Variants in SLC30A6 observed in about 807,000 individuals in gnomAD.
SLC30A6 encodes zinc transporter 6.
Under a neutral mutation model 63.0 loss-of-function variants are expected in SLC30A6, and 55 were observed. The ratio of observed to expected loss-of-function variants is 0.87; its 90% confidence interval spans 0.70 to 1.09. The LOEUF (loss-of-function observed/expected upper bound fraction) is 1.09, where lower values mean the gene tolerates loss of function less well. SLC30A6 is among the 50% of genes least tolerant of loss of function. The probability of loss-of-function intolerance (pLI) is 0.00; values close to 1 mark genes in which losing one functional copy is unlikely to be tolerated. For synonymous variants in SLC30A6, 224 were observed against 186.1 expected, an observed-to-expected ratio of 1.20 and a Z score of -1.66; for missense variants, 587 against 549.2, an observed-to-expected ratio of 1.07 and a Z score of -0.69.
rs766093873 is a variant in SLC30A6 at position 32,197,362 on chromosome 2, T to C, written c.515T>C (p.Leu172Pro). The change falls in exon 9 of 14, where the codon CTT becomes CCT. Residue 172 changes from leucine (L) to proline (P), a missense_variant. Transcript: ENST00000282587. ...YVSEAASTSW[L>P]QEHVADLSRS... ...CTTAAAGCTGCTAGTACGAGCTGGCTTCAAGAGCATGTTGCAGATCTTAGT... is the reference window on the plus strand; with the variant it reads ...CTTAAAGCTGCTAGTACGAGCTGGCCTCAAGAGCATGTTGCAGATCTTAGT... 6.2e-7 allele frequency: 1 copy of C among 1,613,850 alleles called. No homozygotes were observed. Among genetic ancestry groups the C allele is most frequent in the Non-Finnish European group, 8.5e-7 (1 of 1,179,834 alleles).
chr2:32,180,130 A>C (rs930753261), intron 4 of SLC30A6, among the ~76,000 whole-genome samples: 28 of 152,088 alleles, frequency 1.8e-4, no homozygotes, highest in Admixed American at 1.8e-3. Flanking sequence ...GACCAGGCAC[A>C]GTGGCTCATG....
Position 32,203,760 on chromosome 2 carries a change from A to G in SLC30A6, c.666-830A>G, listed in dbSNP as rs905006376. 44 of 1,508,988 alleles carry G rather than the reference A, an allele frequency of 2.9e-5. No homozygotes were observed. The African/African-American group carries it at 4.9e-4, about 17-fold the overall frequency. 93.5% of individuals were successfully genotyped at this position (1,508,988 alleles called of 1,614,324 possible). On this transcript the variant is annotated intron_variant, in intron 10 of 13. Transcript: ENST00000282587. ...CAGAGTGGCATGATTCCGACTGGAT[A>G]TTCTCAGTGCCAGCCAAATTACCTG...
At chr2:32,199,450 A>G (rs1192617523) in intron 10 of SLC30A6, among the ~76,000 whole-genome samples, 1 of 152,168 alleles carries the variant, frequency 6.6e-6, no homozygotes, top group East Asian at 1.9e-4. Flanking sequence ...GTAGGTATAT[A>G]TATTTATGGG....
At chr2:32,203,151 G>A in intron 10 of SLC30A6, 1 of 1,259,878 alleles carries the variant, frequency 7.9e-7, no homozygotes, top group Non-Finnish European at 1.2e-6. Flanking sequence ...GGCTGCCTGT[G>A]GTTTGGACAT....
intron 1 of SLC30A6, among the ~76,000 whole-genome samples, chr2:32,168,748 G>T (rs553148152): frequency 6.6e-6 from 1 of 152,172 alleles, no homozygotes; most frequent in Non-Finnish European, 1.5e-5. Flanking sequence ...TGAGACAAAA[G>T]AGTAGACCAG....
chr2:32,177,196 C>T (rs367703319), intron 4 of SLC30A6, among the ~76,000 whole-genome samples: 29 of 152,162 alleles, frequency 1.9e-4, no homozygotes, highest in Non-Finnish European at 3.2e-4. Flanking sequence ...AGTTTTTTCT[C>T]GCGATAGATT....
intron 4 of SLC30A6, among the ~76,000 whole-genome samples, chr2:32,178,028 A>G (rs1169781950): frequency 2.0e-5 from 3 of 149,768 alleles, no homozygotes; most frequent in Non-Finnish European, 3.0e-5. Flanking sequence ...GCTCACTGCA[A>G]TCTCCGCCTC....
chr2:32,202,958 T>G, intron 10 of SLC30A6: 1 of 1,142,872 alleles, frequency 8.7e-7, no homozygotes, highest in African/African-American at 1.5e-5. Flanking sequence ...AAGTCTACAG[T>G]GGGTCTGAAG....
At chr2:32,180,913 T>C (rs535856857) in intron 4 of SLC30A6, among the ~76,000 whole-genome samples, 3 of 152,332 alleles carry the variant, frequency 2.0e-5, no homozygotes, top group East Asian at 1.9e-4. Flanking sequence ...TTTCTTTCTT[T>C]AGAGGCTCAC....
chr2:32,172,537 C>G (rs894027592), intron 2 of SLC30A6, among the ~76,000 whole-genome samples: 4 of 151,986 alleles, frequency 2.6e-5, no homozygotes, highest in African/African-American at 9.7e-5. Flanking sequence ...TTTATATGTT[C>G]TCAACTCTTT....
chr2:32,203,615 A>G, intron 10 of SLC30A6: 1 of 1,589,166 alleles, frequency 6.3e-7, no homozygotes, highest in Non-Finnish European at 8.6e-7. Flanking sequence ...TGTGCTTGGA[A>G]AGAACTTAAC....
At chr2:32,220,181 C>T (rs1191821952) in intron 13 of SLC30A6, 32 bp from the exon 14 acceptor site, 8 of 1,579,410 alleles carry the variant, frequency 5.1e-6, no homozygotes, top group Non-Finnish European at 6.9e-6. Context: ...TAATTCTAAG[C>T]AATCTCTTTG....
At chr2:32,183,404 G>C (rs1682516030) in intron 4 of SLC30A6, among the ~76,000 whole-genome samples, 1 of 152,062 alleles carries the variant, frequency 6.6e-6, no homozygotes. Context: ...TTTTCGGCCA[G>C]GCGCGGTGGC....
intron 3 of SLC30A6, among the ~76,000 whole-genome samples, chr2:32,174,548 A>ATTTTTTTTTTTTTT (rs11432136): frequency 1.1e-5 from 1 of 92,302 alleles, no homozygotes; most frequent in Non-Finnish European, 1.9e-5. Flanking sequence ...CTATCTGGAG[A>ATTTTTTTTTTTTTT]TTTTTTTTTT....
At chr2:32,196,951 A>G (rs1240867724) in intron 8 of SLC30A6, among the ~76,000 whole-genome samples, 1 of 152,034 alleles carries the variant, frequency 6.6e-6, no homozygotes, top group Non-Finnish European at 1.5e-5. Context: ...TCCCAGCCAC[A>G]TGGGAGGCTG....
chr2:32,209,559 T>C lies in SLC30A6; in HGVS notation c.883T>C (p.Leu295=). 1 of 1,610,986 alleles carries C rather than the reference T, an allele frequency of 6.2e-7. No individual in the cohort carries two copies. The highest frequency in any genetic ancestry group is 8.5e-7 in the Non-Finnish European group (1 of 1,178,608). ...TTTTTGGACCCTAGGTTTTGGCTCATTGGTATGTTCTTTTACATATGACTT... is the reference window on the plus strand; with the variant it reads ...TTTTTGGACCCTAGGTTTTGGCTCACTGGTATGTTCTTTTACATATGACTT... ...EHFWTLGFGS[L]AGSVHVRIRR... is the part of the protein sequence containing the mutation. The change falls in exon 13 of 14, where the codon TTG becomes CTG. Residue 295 remains leucine (L), a splice_region_variant and synonymous_variant. Transcript: ENST00000282587.
At chr2:32,207,384 C>A (rs28681693) in intron 12 of SLC30A6, among the ~76,000 whole-genome samples, 2 of 146,080 alleles carry the variant, frequency 1.4e-5, no homozygotes, top group African/African-American at 5.0e-5. Context: ...CTAACTTTTT[C>A]TTTTTTTTTT....
At chr2:32,198,722 T>G (rs1242518913) in intron 10 of SLC30A6, among the ~76,000 whole-genome samples, 1 of 152,190 alleles carries the variant, frequency 6.6e-6, no homozygotes, top group Non-Finnish European at 1.5e-5. Flanking sequence ...TAGCTGGGAT[T>G]AGAGGCACCT....
intron 5 of SLC30A6, among the ~76,000 whole-genome samples, chr2:32,190,334 C>T (rs1355718611): frequency 2.0e-5 from 3 of 151,920 alleles, no homozygotes; most frequent in East Asian, 3.9e-4. Flanking sequence ...TGGTGGGTGC[C>T]TGTAATCCCA....
Sources: allele counts gnomAD v4.1 joint callset (sites outside exome capture counted in the v4.1 genomes callset), GRCh38; gene constraint gnomAD v4.1.1; transcripts MANE v1.5; gene names NCBI Gene and HGNC (gene_info 2026-07-23, HGNC 2026-07-21).